The following EYA4 variants were observed in gnomAD, a reference collection of about 807,000 sequenced individuals.
EYA4 encodes protein phosphatase EYA4.
In EYA4, 31 loss-of-function variants were observed where a neutral mutation model predicts 87.9. The ratio of observed to expected loss-of-function variants is 0.35; its 90% CI spans 0.27 to 0.48. EYA4 has a LOEUF of 0.48. Among genes scored for constraint, EYA4 ranks in the 20% least tolerant of loss-of-function variants. EYA4 has a pLI of 0.99. For synonymous variants in EYA4, 263 were observed against 270.6 expected (o/e 0.97, Z 0.28); for missense variants, 678 against 761.4 (o/e 0.89, Z 1.29).
At chr6:133,255,778 T>A (rs1468288385) in intron 1 of EYA4, among the ~76,000 whole-genome samples, 1 of 152,118 alleles carries the variant, frequency 6.6e-6, no homozygotes, top group African/African-American at 2.4e-5. Flanking sequence ...TTCTATTTAA[T>A]GTATGCAGAT....
chr6:133,487,313 CAA>C (rs1796764763), intron 13 of EYA4, among the ~76,000 whole-genome samples: 2 of 152,166 alleles, frequency 1.3e-5, no homozygotes, highest in African/African-American at 4.8e-5. Context: ...ACAAGGACCG[CAA>C]TTCCTGGACA....
chr6:133,312,955 C>A (rs1047148577), intron 2 of EYA4, among the ~76,000 whole-genome samples: 1 of 152,024 alleles, frequency 6.6e-6, no homozygotes, highest in Non-Finnish European at 1.5e-5. Flanking sequence ...CTTTGCCTTT[C>A]CTTGTTGGGG....
Position 133,322,157 on chromosome 6 carries a change from A to G in EYA4, c.33+47344A>G, listed in dbSNP as rs57570527. On this transcript the variant is annotated intron_variant, in intron 2 of 19. Transcript: ENST00000355286. Reference sequence around the variant, plus strand: ...GGGAATAACTGCTGAGAAAAAATTTAAAAGGGTAAGCATTGATTATTGATC... The same window carrying G: ...GGGAATAACTGCTGAGAAAAAATTTGAAAGGGTAAGCATTGATTATTGATC... 4.1e-4 allele frequency among the ~76,000 whole-genome samples: 62 copies of G among 152,322 alleles called. No homozygotes were observed. In the East Asian group the frequency reaches 8.5e-3, roughly 21 times the overall value.
intron 13 of EYA4, among the ~76,000 whole-genome samples, chr6:133,485,502 G>A (rs1332779961): frequency 2.0e-5 from 3 of 152,186 alleles, no homozygotes; most frequent in Non-Finnish European, 4.4e-5. Context: ...CCAGTCAGTG[G>A]CAGAGACGAG....
intron 3 of EYA4, among the ~76,000 whole-genome samples, chr6:133,445,681 C>T (rs1274293391): frequency 1.3e-5 from 2 of 151,970 alleles, no homozygotes; most frequent in Non-Finnish European, 2.9e-5. Flanking sequence ...CAGGTTCACA[C>T]CACTCTCCTG....
intron 13 of EYA4, among the ~76,000 whole-genome samples, chr6:133,490,681 A>G (rs562218916): frequency 3.9e-5 from 6 of 152,210 alleles, no homozygotes; most frequent in African/African-American, 1.4e-4. Flanking sequence ...ATATGCACTC[A>G]ATACTGGAGC....
chr6:133,496,371 G>T (rs1797648226), intron 13 of EYA4, among the ~76,000 whole-genome samples: 1 of 151,994 alleles, frequency 6.6e-6, no homozygotes, highest in Non-Finnish European at 1.5e-5. Flanking sequence ...GATTATTTTA[G>T]CCAGAGATTC....
At chr6:133,481,344 C>T in intron 11 of EYA4, 119 bp from the exon 12 acceptor site, 1 of 973,526 alleles carries the variant, frequency 1.0e-6, no homozygotes, top group Non-Finnish European at 1.6e-6. Context: ...TTATAAATCT[C>T]TTTTTTGCCA....
chr6:133,421,384 A>T (rs1790208320), intron 3 of EYA4, among the ~76,000 whole-genome samples: 1 of 152,202 alleles, frequency 6.6e-6, no homozygotes, highest in Non-Finnish European at 1.5e-5. Flanking sequence ...GTCTAAATAA[A>T]TCAAGTAATA....
chr6:133,488,380 T>C (rs1796856678), intron 13 of EYA4, among the ~76,000 whole-genome samples: 1 of 152,136 alleles, frequency 6.6e-6, no homozygotes, highest in Non-Finnish European at 1.5e-5. Context: ...TGCCACCTGC[T>C]GATTGTAGAG....
intron 1 of EYA4, chr6:133,247,224 C>G (rs1774481908): frequency 6.6e-6 from 1 of 152,164 alleles, no homozygotes; most frequent in African/African-American, 2.4e-5. Context: ...GTCATGAAGG[C>G]TGGACAGCAA....
At chr6:133,331,670 C>T (rs1781974181) in intron 2 of EYA4, among the ~76,000 whole-genome samples, 1 of 152,148 alleles carries the variant, frequency 6.6e-6, no homozygotes, top group Non-Finnish European at 1.5e-5. Flanking sequence ...TGTGGCCATC[C>T]AAGAAGATGG....
chr6:133,436,685 TG>T (rs1300738947), intron 3 of EYA4, among the ~76,000 whole-genome samples: 1 of 152,192 alleles, frequency 6.6e-6, no homozygotes, highest in Non-Finnish European at 1.5e-5. Flanking sequence ...GATGGTCAAA[TG>T]CAAATTTGCT....
chr6:133,466,680 T>G (rs191310924), intron 10 of EYA4, among the ~76,000 whole-genome samples: 1 of 151,274 alleles, frequency 6.6e-6, no homozygotes, highest in African/African-American at 2.4e-5. Context: ...CTTCTAAGAG[T>G]TAGGTGAAGA....
chr6:133,292,957 G>A (rs1012254481), intron 2 of EYA4, among the ~76,000 whole-genome samples: 8 of 152,162 alleles, frequency 5.3e-5, no homozygotes, highest in African/African-American at 1.9e-4. Flanking sequence ...AAAAGAACTT[G>A]ACACTCACTG....
intron 1 of EYA4, among the ~76,000 whole-genome samples, chr6:133,266,260 A>T (rs1776216540): frequency 6.6e-6 from 1 of 152,176 alleles, no homozygotes; most frequent in South Asian, 2.1e-4. Context: ...CACACAAAAG[A>T]ATGCCATGTA....
intron 5 of EYA4, among the ~76,000 whole-genome samples, chr6:133,449,094 T>A (rs1044805628): frequency 2.0e-5 from 3 of 152,262 alleles, no homozygotes; most frequent in African/African-American, 7.2e-5. Flanking sequence ...CTTAAAATTA[T>A]GTTGCTAGAA....
intron 1 of EYA4, among the ~76,000 whole-genome samples, chr6:133,266,492 A>G (rs1041483941): frequency 6.6e-6 from 1 of 152,190 alleles, no homozygotes; most frequent in Non-Finnish European, 1.5e-5. Context: ...AGTTTGTGGT[A>G]CTTTGTTATA....
At chr6:133,385,440 T>TGTGTGTGA (rs1198712820) in intron 3 of EYA4, among the ~76,000 whole-genome samples, 14 of 103,960 alleles carry the variant, frequency 1.3e-4, no homozygotes, top group African/African-American at 4.2e-4. Context: ...TGTGTGTGTG[T>TGTGTGTGA]GAGAGAGAGA....
Sources: gnomAD v4.1 joint callset for allele counts (sites outside exome capture counted in the v4.1 genomes callset) on GRCh38, gnomAD v4.1.1 for gene constraint, MANE v1.5 for transcripts, NCBI Gene and HGNC (gene_info 2026-07-23, HGNC 2026-07-21) for gene names.